OGA: variants seen among roughly 807,000 people sequenced by gnomAD.
The protein encoded by OGA is protein O-GlcNAcase.
OGA carries 21 observed loss-of-function variants against 102.0 expected under a neutral mutation model. The observed-to-expected ratio is 0.21, with a 90% CI of 0.15 to 0.30. OGA has a LOEUF of 0.30. Among genes scored for constraint, OGA ranks in the 10% least tolerant of loss-of-function variants. The pLI is 1.00. For missense variants in OGA, 765 were observed against 1,107.8 expected, an observed-to-expected ratio of 0.69 and a Z score of 4.39; for synonymous variants, 408 against 378.2, an observed-to-expected ratio of 1.08 and a Z score of -0.91.
In OGA at chr10:101,798,173, A is replaced by C. The variant is rs570079721; in HGVS notation, c.1810-19T>G. 6.2e-7 allele frequency: 1 copy of C among 1,608,380 alleles called. No homozygotes were observed. Among genetic ancestry groups the C allele is most frequent in the Non-Finnish European group, 8.5e-7 (1 of 1,177,270 alleles). ...CTTCAATCTATTGAAGATCAATAAA[A>C]AGACTCAAAAAACTGTAAGCTTAAC... is the stretch of plus-strand genomic sequence containing the variant. On this transcript the variant is annotated intron_variant, in intron 9 of 15. Coordinates refer to ENST00000361464, the MANE Select transcript of OGA (RefSeq NM_012215.5).
intron 1 of OGA, among the ~76,000 whole-genome samples, chr10:101,815,963 G>GAAAAAAAAAAA (rs1364147466): frequency 1.1e-4 from 5 of 44,880 alleles, no homozygotes; most frequent in Non-Finnish European, 1.9e-4. Context: ...CAAAAAGAGA[G>GAAAAAAAAAAA]AAAAAAAAAA....
At chr10:101,790,076 A>G (rs2065239366) in intron 14 of OGA, among the ~76,000 whole-genome samples, 1 of 152,176 alleles carries the variant, frequency 6.6e-6, no homozygotes, top group African/African-American at 2.4e-5. Context: ...AATGTATTTA[A>G]GTTGGGACAG....
chr10:101,801,387 C>T (rs2065389871), intron 7 of OGA, among the ~76,000 whole-genome samples: 1 of 147,424 alleles, frequency 6.8e-6, no homozygotes, highest in East Asian at 2.0e-4. Context: ...AGCAAGACTC[C>T]GTCTCAGAAA....
Position 101,818,264 on chromosome 10 carries a change from A to G in OGA, c.-242T>C. 1 of 1,304,164 alleles carries G rather than the reference A, an allele frequency of 7.7e-7. No homozygotes were observed. Among genetic ancestry groups the G allele is most frequent in the Non-Finnish European group, 9.7e-7 (1 of 1,026,998 alleles). The allele number at this position is 1,304,164 out of a possible 1,614,324, so 80.8% of individuals were successfully genotyped here. A position where few individuals can be genotyped will look rare whatever the true frequency, so the allele number is the denominator to read the frequency against. ...CCTCGGCTTTAAGCTGGGGCGCCAG[A>G]AGCCTAAGCGGAGAGCGAGGCTGTG... On this transcript the variant is annotated 5_prime_UTR_variant, in exon 1 of 16. Transcript: ENST00000361464.
intron 10 of OGA, among the ~76,000 whole-genome samples, chr10:101,796,293 G>A (rs1197337102): frequency 6.6e-6 from 1 of 152,004 alleles, no homozygotes; most frequent in Non-Finnish European, 1.5e-5. Context: ...ATGAAGTCTC[G>A]CTCTGTCACC....
chr10:101,795,854 C>T (rs11191116), intron 10 of OGA: 305,878 of 921,972 alleles, frequency 0.33, 52,328 homozygotes, highest in Non-Finnish European at 0.35. Flanking sequence ...AGAAAGTTTA[C>T]AAACTTGTGT....
chr10:101,797,845 T>C (rs2065335142), intron 10 of OGA, 135 bp downstream of exon 10: 7 of 835,694 alleles, frequency 8.4e-6, no homozygotes, highest in Non-Finnish European at 1.3e-5. Context: ...ATGCCTATTT[T>C]TGAAAGAAAC....
Position 101,787,542 on chromosome 10 carries a change from C to G in OGA, c.2455-19G>C, listed in dbSNP as rs1372352267. The G allele has an allele frequency of 3.1e-6, 5 of 1,597,598 alleles. No homozygotes were observed. In the African/African-American group the frequency reaches 6.7e-5, roughly 21 times the overall value. On this transcript the variant is annotated intron_variant, in intron 14 of 15. Transcript: ENST00000361464. ...TTATTTTCTGGAAAAATTAGAATCT[C>G]TTGACTTTCACAATAGTTACGCATT... is the stretch of plus-strand genomic sequence containing the variant.
chr10:101,800,065 GT>G (rs576151724), intron 8 of OGA, among the ~76,000 whole-genome samples, 176 bp downstream of exon 8: 67 of 152,198 alleles, frequency 4.4e-4, no homozygotes, highest in Middle Eastern at 3.4e-3. Flanking sequence ...TAGGGACAAG[GT>G]TTCACTATGT....
chr10:101,805,570 G>T (rs1188322518), intron 6 of OGA, among the ~76,000 whole-genome samples: 1 of 150,598 alleles, frequency 6.6e-6, no homozygotes, highest in Non-Finnish European at 1.5e-5. Flanking sequence ...CAGGAGAATT[G>T]CTTGAACCCG....
chr10:101,810,919 G>T (rs1345820347), intron 3 of OGA, among the ~76,000 whole-genome samples: 1 of 151,790 alleles, frequency 6.6e-6, no homozygotes, highest in Non-Finnish European at 1.5e-5. Context: ...TCGAACTCCT[G>T]GCCTCAAGTG....
rs552372228 is a variant in OGA at position 101,803,804 on chromosome 10, C to T, written c.967G>A (p.Val323Ile). The T allele has an allele frequency of 1.4e-5, 23 of 1,614,110 alleles. No individual in the cohort carries two copies. The highest frequency in any genetic ancestry group is 9.9e-5 in the South Asian group (9 of 91,080). The change falls in exon 7 of 16, where the codon GTT becomes ATT. Residue 323 changes from valine (V) to isoleucine (I), a missense_variant. By Grantham distance (29) the Val-to-Ile change is conservative (BLOSUM62 3). This residue lies in a region of OGA where 33 missense variants were observed against 52.5 expected (regional missense o/e 0.63). Transcript: ENST00000361464. ...NPNCEFEANY[V>I]AIHTLATWYK... ...CAGGTGGCAAGGGTGTGGATAGCAA[C>T]GTAGTTGGCTTCAAATTCACAATTT...
At chr10:101,809,458 G>A (rs2065520936) in intron 4 of OGA, among the ~76,000 whole-genome samples, 1 of 152,172 alleles carries the variant, frequency 6.6e-6, no homozygotes, top group Admixed American at 6.5e-5. Context: ...GCGCACGACT[G>A]TAATCCCGGC....
intron 8 of OGA, 53 bp downstream of exon 8, chr10:101,800,189 T>G: frequency 6.4e-7 from 1 of 1,562,902 alleles, no homozygotes; most frequent in Non-Finnish European, 8.8e-7. Flanking sequence ...GTTCTTTACT[T>G]TGTGACTCAA....
chr10:101,793,782 C>CTATG, intron 11 of OGA, 131 bp downstream of exon 11: 1 of 649,536 alleles, frequency 1.5e-6, no homozygotes, highest in Non-Finnish European at 2.7e-6. Flanking sequence ...AAAAATCCAG[C>CTATG]TATGTAACTA....
chr10:101,807,835 C>T lies in OGA; in HGVS notation c.547G>A (p.Ala183Thr). 1 of 1,610,696 alleles carries T rather than the reference C, an allele frequency of 6.2e-7. No individual in the cohort carries two copies. The highest frequency in any genetic ancestry group is 1.1e-5 in the South Asian group (1 of 90,630). ...FDDIDHNMCA[A>T]DKEVFSSFAH... ...AAAGAACTGAATACCTCTTTGTCTG[C>T]TGCACACATATTATGGTCTATATCA... Residue 183 changes from alanine (A) to threonine (T), a missense_variant, in exon 5 of 16, where the codon GCA becomes ACA. By Grantham distance (58) the Ala-to-Thr change is moderately conservative. Coordinates refer to ENST00000361464, the MANE Select transcript of OGA (RefSeq NM_012215.5).
Position 101,798,404 on chromosome 10 carries a change from CAT to C in OGA, c.1810-252_1810-251del, listed in dbSNP as rs773557262. Among the ~76,000 whole-genome samples the C allele has an allele frequency of 9.8e-4, 146 of 148,816 alleles. 1 individual carries two copies. The highest frequency in any genetic ancestry group is 1.8e-3 in the Non-Finnish European group (120 of 67,208). On this transcript the variant is annotated intron_variant, in intron 9 of 15. Coordinates refer to ENST00000361464, the MANE Select transcript of OGA (RefSeq NM_012215.5). ...TAGAGTCCACATCCACTGTAAAGAA[CAT>C]ACTTTTTTTTTTTTTTTTTTTTTGA...
chr10:101,812,793 G>C, intron 3 of OGA: 1 of 595,202 alleles, frequency 1.7e-6, no homozygotes, highest in Non-Finnish European at 3.1e-6. Flanking sequence ...CACAATCTAT[G>C]ACCACAGAAC....
At chr10:101,810,086 T>C in intron 4 of OGA, 98 bp downstream of exon 4, 2 of 1,174,140 alleles carry the variant, frequency 1.7e-6, no homozygotes, top group African/African-American at 1.6e-5. Context: ...AACAAAGAAA[T>C]AGGAATTTGA....
Sources: allele counts gnomAD v4.1 joint callset (sites outside exome capture counted in the v4.1 genomes callset), GRCh38; gene constraint gnomAD v4.1.1; regional missense constraint gnomAD v4.1.1; transcripts MANE v1.5; gene names NCBI Gene and HGNC (gene_info 2026-07-23, HGNC 2026-07-21).